OXR1: variants seen among roughly 807,000 people sequenced by gnomAD.
The protein encoded by OXR1 is oxidation resistance protein 1.
A neutral mutation model predicts 104.6 loss-of-function variants in OXR1; 41 were observed. The observed-to-expected ratio is 0.39, with a 90% CI of 0.31 to 0.51. The LOEUF (loss-of-function observed/expected upper bound fraction) is 0.51, where lower values mean the gene tolerates loss of function less well. OXR1 is among the 20% of genes least tolerant of loss of function. OXR1 has a pLI of 0.77. For missense variants in OXR1, 955 were observed against 1,031.9 expected, an observed-to-expected ratio of 0.93 and a Z score of 1.02; for synonymous variants, 348 against 348.4, an observed-to-expected ratio of 1.00 and a Z score of 0.01.
At chr8:106,376,462 A>G (rs533189251) in intron 2 of OXR1, among the ~76,000 whole-genome samples, 1 of 152,348 alleles carries the variant, frequency 6.6e-6, no homozygotes, top group Admixed American at 6.5e-5. Flanking sequence ...TTCATGATCA[A>G]GGACTAGTGA....
At chr8:106,506,061 G>C (rs761035083) in intron 2 of OXR1, among the ~76,000 whole-genome samples, 8 of 152,172 alleles carry the variant, frequency 5.3e-5, no homozygotes, top group Non-Finnish European at 7.3e-5. Flanking sequence ...AGGGTTTATT[G>C]ATGAATCAGA....
intron 3 of OXR1, among the ~76,000 whole-genome samples, chr8:106,542,540 C>A (rs780651059): frequency 6.6e-6 from 1 of 152,198 alleles, no homozygotes; most frequent in South Asian, 2.1e-4. Context: ...TATATATATG[C>A]ATATATCACA....
intron 1 of OXR1, among the ~76,000 whole-genome samples, chr8:106,307,981 A>C (rs574374740): frequency 9.9e-5 from 15 of 151,668 alleles, no homozygotes; most frequent in South Asian, 2.1e-4. Context: ...CACACACACA[A>C]AAATGGAACC....
chr8:106,348,101 A>G (rs994327608), intron 1 of OXR1, among the ~76,000 whole-genome samples: 3 of 152,212 alleles, frequency 2.0e-5, no homozygotes, highest in Admixed American at 6.5e-5. Context: ...TTGAAATGGG[A>G]ACATAATGAT....
At chr8:106,670,226 G>T (rs1826795818) in intron 3 of OXR1, among the ~76,000 whole-genome samples, 1 of 152,164 alleles carries the variant, frequency 6.6e-6, no homozygotes, top group Non-Finnish European at 1.5e-5. Flanking sequence ...AAGATAAACT[G>T]AAGTAGCTAG....
At chr8:106,682,171 TA>T (rs1828217192) in intron 4 of OXR1, among the ~76,000 whole-genome samples, 1 of 152,132 alleles carries the variant, frequency 6.6e-6, no homozygotes, top group African/African-American at 2.4e-5. Context: ...ATCTTTTGCA[TA>T]ACCTTTTCTA....
chr8:106,522,314 C>A (rs1370938696), intron 3 of OXR1, among the ~76,000 whole-genome samples: 1 of 152,152 alleles, frequency 6.6e-6, no homozygotes, highest in African/African-American at 2.4e-5. Context: ...TATGCACATG[C>A]TCCTGTATAC....
intron 11 of OXR1, among the ~76,000 whole-genome samples, chr8:106,736,263 A>G (rs1834366880): frequency 6.6e-6 from 1 of 151,852 alleles, no homozygotes; most frequent in African/African-American, 2.4e-5. Context: ...GCTTCACAAA[A>G]TTCAATATAA....
chr8:106,423,559 C>T (rs531768023), intron 2 of OXR1, among the ~76,000 whole-genome samples: 4 of 152,308 alleles, frequency 2.6e-5, no homozygotes, highest in African/African-American at 4.8e-5. Flanking sequence ...AGTTTATTCT[C>T]TCAGCCTCTG....
intron 2 of OXR1, among the ~76,000 whole-genome samples, chr8:106,389,841 G>A (rs1817524864): frequency 6.6e-6 from 1 of 152,118 alleles, no homozygotes; most frequent in African/African-American, 2.4e-5. Context: ...CGAGGTGGGT[G>A]GATCACTTGA....
intron 1 of OXR1, among the ~76,000 whole-genome samples, chr8:106,326,752 G>A (rs1343187726): frequency 1.3e-5 from 2 of 152,162 alleles, no homozygotes; most frequent in African/African-American, 4.8e-5. Context: ...ACACGAAGGA[G>A]GCCAGTTTGA....
At chr8:106,612,829 A>T (rs1820916629) in intron 3 of OXR1, among the ~76,000 whole-genome samples, 1 of 152,108 alleles carries the variant, frequency 6.6e-6, no homozygotes, top group Non-Finnish European at 1.5e-5. Context: ...CCCTACGAAT[A>T]CTAAGATTCT....
At chr8:106,606,587 T>C (rs1330279820) in intron 3 of OXR1, among the ~76,000 whole-genome samples, 1 of 151,758 alleles carries the variant, frequency 6.6e-6, no homozygotes, top group African/African-American at 2.4e-5. Flanking sequence ...GCTAGGATTA[T>C]AGGCATGAGC....
chr8:106,588,148 A>G (rs1028646344), intron 3 of OXR1, among the ~76,000 whole-genome samples: 1 of 151,972 alleles, frequency 6.6e-6, no homozygotes, highest in African/African-American at 2.4e-5. Flanking sequence ...TTTAATAGAG[A>G]TGGGGTTTCA....
chr8:106,711,957 T>A (rs911963997), intron 10 of OXR1, among the ~76,000 whole-genome samples: 1 of 152,122 alleles, frequency 6.6e-6, no homozygotes, highest in African/African-American at 2.4e-5. Flanking sequence ...ACATAAAAAG[T>A]AAAATATCAT....
chr8:106,563,827 A>G (rs946034984), intron 3 of OXR1, among the ~76,000 whole-genome samples: 2 of 152,224 alleles, frequency 1.3e-5, no homozygotes, highest in African/African-American at 4.8e-5. Flanking sequence ...AACTCAGATT[A>G]GGAAACTCAT....
At chr8:106,279,378 C>T (rs1812186975) in intron 1 of OXR1, among the ~76,000 whole-genome samples, 1 of 152,074 alleles carries the variant, frequency 6.6e-6, no homozygotes, top group African/African-American at 2.4e-5. Context: ...TGATTATATA[C>T]TGTATTAAGA....
chr8:106,459,914 A>C (rs1319292042), intron 2 of OXR1, among the ~76,000 whole-genome samples: 1 of 152,212 alleles, frequency 6.6e-6, no homozygotes, highest in East Asian at 1.9e-4. Flanking sequence ...CACATGTTAC[A>C]ATCAAGGGAA....
intron 3 of OXR1, among the ~76,000 whole-genome samples, chr8:106,601,228 C>A (rs1485242232): frequency 6.6e-5 from 10 of 152,134 alleles, no homozygotes. Context: ...TGCAAGAGAC[C>A]ATTACCCAGA....
Sources: gnomAD v4.1 joint callset for allele counts (sites outside exome capture counted in the v4.1 genomes callset) on GRCh38, gnomAD v4.1.1 for gene constraint, MANE v1.5 for transcripts, NCBI Gene and HGNC (gene_info 2026-07-23, HGNC 2026-07-21) for gene names.